Variants in FRY observed in about 807,000 individuals in gnomAD.
FRY encodes protein furry homolog.
FRY carries 128 observed loss-of-function variants against 348.4 expected under a neutral mutation model. That is an observed-to-expected ratio of 0.37 (90% CI 0.32 to 0.43). FRY has a LOEUF of 0.43. Ranked by LOEUF, FRY falls within the 20% of genes least tolerant of loss-of-function variation. The pLI is 1.00. For missense variants in FRY, 2,736 were observed against 3,695.2 expected (o/e 0.74, Z 6.73); for synonymous variants, 1,370 against 1,374.7 (o/e 1.00, Z 0.08).
chr13:32,102,087 T>C, intron 3 of FRY, 71 bp downstream of exon 3: 1 of 870,534 alleles, frequency 1.1e-6, no homozygotes. Context: ...GTCTGCATGC[T>C]CACTATTGTT....
chr13:32,095,578 C>T (rs186558719), intron 2 of FRY, among the ~76,000 whole-genome samples: 2 of 152,132 alleles, frequency 1.3e-5, no homozygotes, highest in East Asian at 1.9e-4. Context: ...CTCCTGACCT[C>T]GTGATCCACC....
chr13:32,231,074 CA>C, intron 40 of FRY, 104 bp from the exon 41 acceptor site: 1 of 982,902 alleles, frequency 1.0e-6, no homozygotes, highest in Non-Finnish European at 1.5e-6. Flanking sequence ...GCATAGATTG[CA>C]AAAAATTTAA....
Position 32,298,555 on chromosome 13 carries a change from T to C in FRY, c.*3095T>C, listed in dbSNP as rs1171776950. On this transcript the variant is annotated 3_prime_UTR_variant, in exon 61 of 61. Transcript: ENST00000542859. ...CCCTGTTCCCATGAGGCTCCTACAT[T>C]TGAGTGGAGGAAGATGTACTTGTCT... 6.6e-6 allele frequency: 1 copy of C among 152,138 alleles called. No homozygotes were observed. The highest frequency in any genetic ancestry group is 1.5e-5 in the Non-Finnish European group (1 of 68,032). The allele number at this position is 152,138 out of a possible 1,614,324, so 9.4% of individuals were successfully genotyped here.
chr13:32,128,097 G>A (rs1032287444), intron 7 of FRY, among the ~76,000 whole-genome samples: 19 of 152,234 alleles, frequency 1.2e-4, no homozygotes, highest in African/African-American at 4.1e-4. Flanking sequence ...TGGGGTTATT[G>A]CATTTTTATA....
At chr13:32,171,855 G>T (rs1882090702) in intron 18 of FRY, among the ~76,000 whole-genome samples, 1 of 3,584 alleles carries the variant, frequency 2.8e-4, no homozygotes, top group African/African-American at 9.3e-4. Flanking sequence ...AAATCTATTT[G>T]TAAGAACAAA....
At chr13:32,176,378 G>A (rs1055769476) in intron 20 of FRY, among the ~76,000 whole-genome samples, 4 of 152,186 alleles carry the variant, frequency 2.6e-5, no homozygotes, top group African/African-American at 7.2e-5. Context: ...TGTTACTGAT[G>A]TTGCTGATGC....
intron 3 of FRY, among the ~76,000 whole-genome samples, chr13:32,115,711 T>C (rs1878258908): frequency 6.6e-6 from 1 of 151,540 alleles, no homozygotes; most frequent in Admixed American, 6.6e-5. Flanking sequence ...TTTTCTTGGG[T>C]CTCATCTCAA....
chr13:32,058,430 A>G (rs1873758801), intron 1 of FRY, among the ~76,000 whole-genome samples: 1 of 152,230 alleles, frequency 6.6e-6, no homozygotes, highest in Non-Finnish European at 1.5e-5. Flanking sequence ...GGATACCTTC[A>G]GGGCTTTTGA....
chr13:32,240,124 A>G (rs1451452627), intron 46 of FRY, among the ~76,000 whole-genome samples: 2 of 152,230 alleles, frequency 1.3e-5, no homozygotes, highest in African/African-American at 4.8e-5. Flanking sequence ...ACTTCCATAT[A>G]GTGTGTGCCT....
In FRY at chr13:32,125,651, G is replaced by A. The variant is rs571695868; in HGVS notation, c.716+776G>A. Among the ~76,000 whole-genome samples the A allele has an allele frequency of 1.4e-4, 21 of 152,194 alleles. No homozygotes were observed. The South Asian group carries it at 2.1e-3, about 15-fold the overall frequency. On this transcript the variant is annotated intron_variant, in intron 7 of 60. Coordinates refer to ENST00000542859, the MANE Select transcript of FRY (RefSeq NM_023037.3). ...TCTTCAAGGGATTGAATTTCGTAAC[G>A]TAGTAGCATGGAAATTACACAATTT... is the stretch of plus-strand genomic sequence containing the variant.
At chr13:32,271,212 C>A (rs957115554) in intron 55 of FRY, among the ~76,000 whole-genome samples, 3 of 152,208 alleles carry the variant, frequency 2.0e-5, no homozygotes, top group Non-Finnish European at 4.4e-5. Flanking sequence ...TGAAGTCAGA[C>A]TAGCCTTTGA....
At chr13:32,194,006 T>C in intron 28 of FRY, 137 bp from the exon 29 acceptor site, 1 of 810,056 alleles carries the variant, frequency 1.2e-6, no homozygotes, top group Admixed American at 1.9e-5. Context: ...GAAGAATATA[T>C]GACATAAAAA....
chr13:32,102,253 A>G (rs1446880046), intron 3 of FRY, among the ~76,000 whole-genome samples: 1 of 152,224 alleles, frequency 6.6e-6, no homozygotes, highest in Non-Finnish European at 1.5e-5. Context: ...GTAGGTCTTC[A>G]ATTGATTATT....
At chr13:32,258,883 A>G (rs963359947) in intron 51 of FRY, among the ~76,000 whole-genome samples, 2 of 152,194 alleles carry the variant, frequency 1.3e-5, no homozygotes, top group African/African-American at 4.8e-5. Flanking sequence ...TACTCTAAGT[A>G]GAACATTTGG....
At chr13:32,079,726 ACAGT>A (rs1362608982) in intron 2 of FRY, among the ~76,000 whole-genome samples, 1 of 152,172 alleles carries the variant, frequency 6.6e-6, no homozygotes, top group Non-Finnish European at 1.5e-5. Flanking sequence ...TCTCCAAAGG[ACAGT>A]CAGGAAGGAA....
chr13:32,114,249 G>C (rs1878158168), intron 3 of FRY, among the ~76,000 whole-genome samples: 1 of 152,208 alleles, frequency 6.6e-6, no homozygotes, highest in African/African-American at 2.4e-5. Flanking sequence ...AAGTTGCAAA[G>C]ATAATTCAGG....
intron 21 of FRY, 68 bp downstream of exon 21, chr13:32,178,504 T>G: frequency 2.6e-6 from 4 of 1,516,436 alleles, no homozygotes; most frequent in Non-Finnish European, 3.6e-6. Context: ...TTTCATTTTG[T>G]GTAAGAGATT....
Position 32,179,738 on chromosome 13 carries a change from A to G in FRY, c.2935A>G (p.Ser979Gly), listed in dbSNP as rs1199790650. 6.2e-7 allele frequency: 1 copy of G among 1,613,368 alleles called. No homozygotes were observed. The highest frequency in any genetic ancestry group is 1.1e-5 in the South Asian group (1 of 91,060). Residue 979 changes from serine (S) to glycine (G), a missense_variant, in exon 23 of 61, where the codon AGC (serine) becomes GGC (glycine). Transcript: ENST00000542859. ...GTTGGTGCCTTTGATGAGACTAGAG[A>G]GCATTGAGATCACAGAGTCCTTAGT... is the stretch of plus-strand genomic sequence containing the variant. ...KQLVPLMRLE[S>G]IEITESLVLG...
intron 29 of FRY, among the ~76,000 whole-genome samples, chr13:32,196,610 C>T (rs1317409952): frequency 6.6e-6 from 1 of 151,748 alleles, no homozygotes; most frequent in East Asian, 1.9e-4. Context: ...GTGTTGTGAA[C>T]TTACTGTTCT....
Sources: gnomAD v4.1 joint callset for allele counts (sites outside exome capture counted in the v4.1 genomes callset) on GRCh38, gnomAD v4.1.1 for gene constraint, MANE v1.5 for transcripts, NCBI Gene and HGNC (gene_info 2026-07-23, HGNC 2026-07-21) for gene names.